MYO1H: variants seen among roughly 807,000 people sequenced by gnomAD.
The protein encoded by MYO1H is myosin IH, also known as unconventional myosin-Ih.
MYO1H carries 118 observed loss-of-function variants against 149.3 expected under a neutral mutation model. That is an observed-to-expected ratio of 0.79 (90% confidence interval 0.68 to 0.92). The LOEUF (loss-of-function observed/expected upper bound fraction) is 0.92, where lower values mean the gene tolerates loss of function less well. MYO1H is among the 40% of genes least tolerant of loss of function. The probability of loss-of-function intolerance (pLI) is 0.00; values close to 1 mark genes in which losing one functional copy is unlikely to be tolerated. For synonymous variants in MYO1H, 447 were observed against 465.2 expected, an observed-to-expected ratio of 0.96 and a Z score of 0.50; for missense variants, 1,212 against 1,280.7, an observed-to-expected ratio of 0.95 and a Z score of 0.82.
intron 1 of MYO1H, chr12:109,354,447 AAAG>A (rs1469871675): frequency 2.0e-5 from 3 of 151,992 alleles, no homozygotes; most frequent in Admixed American, 1.3e-4. Context: ...TACAAAAAAA[AAAG>A]AAAAGAAAAA....
intron 2 of MYO1H, among the ~76,000 whole-genome samples, chr12:109,392,451 G>A (rs868602846): frequency 2.6e-5 from 4 of 152,140 alleles, no homozygotes; most frequent in South Asian, 2.1e-4. Context: ...GGCCAGGCGC[G>A]GTGGCTCACA....
At position 109,396,466 on chromosome 12, in the gene MYO1H, G is replaced by A. The variant is rs552213675; in HGVS notation, c.373G>A (p.Ala125Thr). ...CATCCTCATTTCTGGAGAGAGTGGG[G>A]CAGGGAAAACAGAGGCCTCCAAGAA... The change falls in exon 4 of 32, where the codon GCA (alanine) becomes ACA (threonine). Residue 125 changes from alanine to threonine, a missense_variant. Ala to Thr is a moderately conservative substitution (Grantham distance 58). Transcript: ENST00000310903. 4 of 1,614,012 alleles carry A rather than the reference G, an allele frequency of 2.5e-6. No homozygotes were observed. In the Admixed American group the frequency reaches 6.7e-5, roughly 27 times the overall value.
chr12:109,364,578 G>A (rs1410308910), intron 1 of MYO1H, among the ~76,000 whole-genome samples: 1 of 152,104 alleles, frequency 6.6e-6, no homozygotes, highest in Non-Finnish European at 1.5e-5. Flanking sequence ...ACCTGCCTCG[G>A]CTTCCCACGT....
intron 16 of MYO1H, among the ~76,000 whole-genome samples, chr12:109,422,025 C>T (rs10774691): frequency 0.33 from 50,241 of 151,822 alleles, 8,476 homozygotes; most frequent in Admixed American, 0.4. Context: ...CTTGCTATGA[C>T]GCCTAGGCTG....
At chr12:109,319,604 C>G in the MYO1H span, among the ~76,000 whole-genome samples, 1 of 152,156 alleles carries the variant, frequency 6.6e-6, no homozygotes, top group Non-Finnish European at 1.5e-5. Flanking sequence ...ACAGTTAAAT[C>G]AAGGAAATGA....
intron 18 of MYO1H, among the ~76,000 whole-genome samples, chr12:109,427,029 T>C (rs1324377105): frequency 6.6e-6 from 1 of 152,024 alleles, no homozygotes; most frequent in African/African-American, 2.4e-5. Flanking sequence ...AAAAGCACAA[T>C]TGGGCTGGGC....
upstream of MYO1H, among the ~76,000 whole-genome samples, chr12:109,346,815 T>C (rs1347935450): frequency 1.3e-5 from 2 of 152,104 alleles, no homozygotes; most frequent in Non-Finnish European, 2.9e-5. Flanking sequence ...TAAAATTATA[T>C]ATTTTTAAAA....
At chr12:109,427,429 G>T in intron 18 of MYO1H, 40 bp from the exon 19 acceptor site, 2 of 1,349,536 alleles carry the variant, frequency 1.5e-6, no homozygotes, top group East Asian at 2.3e-5. Context: ...ATGAAGCCAT[G>T]GGATCCTTTC....
intron 19 of MYO1H, among the ~76,000 whole-genome samples, chr12:109,430,047 C>A (rs1871544759): frequency 6.6e-6 from 1 of 152,208 alleles, no homozygotes; most frequent in Admixed American, 6.5e-5. Flanking sequence ...GACCTGATCA[C>A]CTGTCAGAGG....
the MYO1H span, among the ~76,000 whole-genome samples, chr12:109,323,193 G>A: frequency 6.6e-6 from 1 of 152,158 alleles, no homozygotes; most frequent in South Asian, 2.1e-4. Context: ...CACGTGCAAA[G>A]CAATTTGAGT....
At chr12:109,323,413 T>A in the MYO1H span, among the ~76,000 whole-genome samples, 1 of 152,268 alleles carries the variant, frequency 6.6e-6, no homozygotes, top group East Asian at 1.9e-4. Context: ...TCCTTGCATT[T>A]CTGTTCCCAC....
the MYO1H span, among the ~76,000 whole-genome samples, chr12:109,312,307 G>A: frequency 6.6e-6 from 1 of 152,096 alleles, no homozygotes; most frequent in Non-Finnish European, 1.5e-5. Flanking sequence ...CCACCTCCCG[G>A]GTTCACGCCA....
chr12:109,328,634 C>G, the MYO1H span, among the ~76,000 whole-genome samples: 1 of 152,126 alleles, frequency 6.6e-6, no homozygotes, highest in African/African-American at 2.4e-5. Flanking sequence ...TTAATAAATC[C>G]AAAATAACAT....
At chr12:109,321,716 AAAATT>A in the MYO1H span, among the ~76,000 whole-genome samples, 1 of 152,242 alleles carries the variant, frequency 6.6e-6, no homozygotes, top group Non-Finnish European at 1.5e-5. Flanking sequence ...AGATTAATAT[AAAATT>A]AAACAACAGA....
At chr12:109,394,806 G>A (rs1163942596) in intron 3 of MYO1H, among the ~76,000 whole-genome samples, 1 of 152,048 alleles carries the variant, frequency 6.6e-6, no homozygotes, top group African/African-American at 2.4e-5. Flanking sequence ...TTGTCACCCA[G>A]ACTGGAGAGC....
At chr12:109,444,365 C>T (rs1334016039) in intron 29 of MYO1H, 67 bp from the exon 30 acceptor site, 4 of 1,566,770 alleles carry the variant, frequency 2.6e-6, no homozygotes, top group Non-Finnish European at 3.5e-6. Context: ...TGAAACTTCT[C>T]TATTGGAGTG....
At chr12:109,433,824 C>G (rs1183823174) in intron 20 of MYO1H, among the ~76,000 whole-genome samples, 1 of 152,118 alleles carries the variant, frequency 6.6e-6, no homozygotes. Context: ...GCATGGAGGT[C>G]AGAGGTGGGA....
chr12:109,382,924 TAAATA>T (rs1869235012), intron 1 of MYO1H, among the ~76,000 whole-genome samples: 1 of 148,476 alleles, frequency 6.7e-6, no homozygotes, highest in South Asian at 2.1e-4. Flanking sequence ...ATATAAAAAA[TAAATA>T]TAAAGAAAAG....
In MYO1H at chr12:109,444,288, T is replaced by C. The variant is rs1380269867; in HGVS notation, c.2895+5T>C. On this transcript the variant is annotated splice_donor_5th_base_variant and intron_variant, in intron 29 of 31. Transcript: ENST00000310903. ...CCAGAGGACAGCAAGCAAAAGGTAA[T>C]TGACAGCCACCAGTCTCTACTAAAA... 4 of 1,613,042 alleles carry C rather than the reference T, an allele frequency of 2.5e-6. No homozygotes were observed. The highest frequency in any genetic ancestry group is 1.3e-5 in the African/African-American group (1 of 74,898).
Sources: allele counts gnomAD v4.1 joint callset (sites outside exome capture counted in the v4.1 genomes callset), GRCh38; gene constraint gnomAD v4.1.1; transcripts MANE v1.5; gene names NCBI Gene and HGNC (gene_info 2026-07-23, HGNC 2026-07-21).